The following CSF2RA variants were observed in gnomAD, a reference collection of about 807,000 sequenced individuals.
The protein encoded by CSF2RA is colony stimulating factor 2 receptor subunit alpha, also known as granulocyte-macrophage colony-stimulating factor receptor subunit alpha.
Under a neutral mutation model 51.6 loss-of-function variants are expected in CSF2RA, and 42 were observed. The ratio of observed to expected loss-of-function variants is 0.81; its 90% CI spans 0.64 to 1.05. CSF2RA has a LOEUF of 1.05. Ranked by LOEUF, CSF2RA falls within the 50% of genes least tolerant of loss-of-function variation. The pLI, the probability that CSF2RA is intolerant of heterozygous loss-of-function variation, is 0.00. For missense variants in CSF2RA, 530 were observed against 501.1 expected (o/e 1.06, Z -0.55); for synonymous variants, 222 against 193.0 (o/e 1.15, Z -1.24).
At chrX:1,281,083 T>TCTC (rs2089964150) in intron 2 of CSF2RA, among the ~76,000 whole-genome samples, 1 of 31,114 alleles carries the variant, frequency 3.2e-5, no homozygotes, top group Non-Finnish European at 6.5e-5. Flanking sequence ...TCCTCCTCCT[T>TCTC]CTCCTCCTGC....
In CSF2RA at chrX:1,301,986, G is replaced by A. The variant is rs1252383485; in HGVS notation, c.946+1360G>A. On this transcript the variant is annotated intron_variant, in intron 10 of 12. Coordinates refer to ENST00000381529, the MANE Select transcript of CSF2RA (RefSeq NM_172245.4). ...GGCTGGAGTGCAGTGGTGCCATCTC[G>A]GCTCACCGCGATCTCCGCCTCCCAG... 4.1e-5 allele frequency among the ~76,000 whole-genome samples: 6 copies of A among 145,268 alleles called. No individual in the cohort carries two copies. The South Asian group carries it at 6.5e-4, about 16-fold the overall frequency.
chrX:1,323,863 A>C, the CSF2RA span, among the ~76,000 whole-genome samples: 1 of 151,338 alleles, frequency 6.6e-6, no homozygotes, highest in Non-Finnish European at 1.5e-5. Flanking sequence ...AAATACAAAA[A>C]ATTAGCCGGG....
chrX:1,286,376 C>G (rs2090657329), intron 4 of CSF2RA, among the ~76,000 whole-genome samples: 1 of 152,080 alleles, frequency 6.6e-6, no homozygotes, highest in South Asian at 2.1e-4. Flanking sequence ...CAAGACCAGG[C>G]TGACCAACAT....
At chrX:1,317,322 G>A in the CSF2RA span, among the ~76,000 whole-genome samples, 1 of 117,948 alleles carries the variant, frequency 8.5e-6, no homozygotes, top group Non-Finnish European at 1.6e-5. Flanking sequence ...TACAATCTCA[G>A]GTCACCACAA....
chrX:1,310,149 T>C, downstream of CSF2RA: 1 of 232,068 alleles, frequency 4.3e-6, no homozygotes, highest in Non-Finnish European at 8.1e-6. Flanking sequence ...ATTGCACCGT[T>C]GCACTCCAGC....
chrX:1,309,314 C>G lies in CSF2RA; in HGVS notation c.1126-88C>G. The G allele has an allele frequency of 2.2e-6, 3 of 1,360,550 alleles. No individual in the cohort carries two copies. In the Admixed American group the frequency reaches 5.1e-5, roughly 23 times the overall value. The allele number at this position is 1,360,550 out of a possible 1,614,324, so 84.3% of individuals were successfully genotyped here. A position where few individuals can be genotyped will look rare whatever the true frequency, so the allele number is the denominator to read the frequency against. On this transcript the variant is annotated intron_variant, in intron 12 of 12. Transcript: ENST00000381529. ...TGGGCAATAGAATGAGACTCCGTCT[C>G]GAGGGAGAAAAAGAAAATAAACACA...
chrX:1,288,167 G>A (rs1328538176), intron 4 of CSF2RA, among the ~76,000 whole-genome samples: 7 of 151,998 alleles, frequency 4.6e-5, no homozygotes, highest in Admixed American at 2.0e-4. Context: ...AGGCAGGTGC[G>A]TGTCGCCAAA....
At chrX:1,320,747 G>A in the CSF2RA span, among the ~76,000 whole-genome samples, 2 of 148,000 alleles carry the variant, frequency 1.4e-5, no homozygotes, top group African/African-American at 5.0e-5. Context: ...CCCTGACCTT[G>A]TGATCCGCCC....
At chrX:1,308,987 G>T (rs2083953723) in intron 12 of CSF2RA, among the ~76,000 whole-genome samples, 1 of 152,166 alleles carries the variant, frequency 6.6e-6, no homozygotes, top group African/African-American at 2.4e-5. Flanking sequence ...CAGCACTTTG[G>T]GAGGCCGAGG....
chrX:1,285,194 C>T (rs1208815299), intron 3 of CSF2RA, among the ~76,000 whole-genome samples: 2 of 152,128 alleles, frequency 1.3e-5, no homozygotes, highest in African/African-American at 4.8e-5. Context: ...AGCCACCACC[C>T]CCAGTCTTCA....
chrX:1,305,626 A>C, intron 12 of CSF2RA, 99 bp downstream of exon 12: 1 of 1,613,634 alleles, frequency 6.2e-7, no homozygotes, highest in Non-Finnish European at 8.5e-7. Flanking sequence ...CTTCTCCACC[A>C]GATGGGACCG....
the CSF2RA span, among the ~76,000 whole-genome samples, chrX:1,324,950 G>A: frequency 2.6e-5 from 4 of 152,096 alleles, no homozygotes; most frequent in East Asian, 1.9e-4. Context: ...GGGTTTCTCC[G>A]CCTCCTCCCT....
chrX:1,269,956 A>G (rs2088155248), intron 1 of CSF2RA, among the ~76,000 whole-genome samples: 1 of 151,888 alleles, frequency 6.6e-6, no homozygotes, highest in South Asian at 2.1e-4. Flanking sequence ...AAAAATAGAA[A>G]AAATTAGCTA....
intron 2 of CSF2RA, among the ~76,000 whole-genome samples, chrX:1,278,148 A>C (rs746503910): frequency 2.1e-5 from 3 of 146,316 alleles, no homozygotes; most frequent in Non-Finnish European, 4.5e-5. Context: ...AGCCTCGCCA[A>C]CATGGTGAAA....
chrX:1,284,339 A>G lies in CSF2RA; in HGVS notation c.77-1439A>G, dbSNP rs1216059330. ...CACTCCAGCCTCCCAAGTAGCTGGG[A>G]CTGCAGAAATACACCACCATGCCAA... On this transcript the variant is annotated intron_variant, in intron 3 of 12. Transcript: ENST00000381529. 2.0e-5 allele frequency among the ~76,000 whole-genome samples: 3 copies of G among 149,892 alleles called. No homozygotes were observed. In the East Asian group the frequency reaches 5.9e-4, roughly 29 times the overall value.
At chrX:1,295,058 C>CCCACCT (rs2091806641) in intron 8 of CSF2RA, among the ~76,000 whole-genome samples, 2 of 148,926 alleles carry the variant, frequency 1.3e-5, no homozygotes, top group African/African-American at 2.5e-5. Flanking sequence ...GAGACCCTGC[C>CCCACCT]CCATGTCCAC....
intron 11 of CSF2RA, 77 bp from the exon 12 acceptor site, chrX:1,305,369 C>G: frequency 2.6e-6 from 4 of 1,527,402 alleles, no homozygotes; most frequent in Non-Finnish European, 3.6e-6. Context: ...CGCAGCATCC[C>G]TCGGCACAGG....
intron 10 of CSF2RA, among the ~76,000 whole-genome samples, chrX:1,302,177 A>G (rs1207362574): frequency 6.6e-6 from 1 of 151,892 alleles, no homozygotes; most frequent in African/African-American, 2.4e-5. Context: ...CGCCCTCCCA[A>G]AGTGCTGCAA....
chrX:1,273,829 G>C (rs28653229), intron 1 of CSF2RA, among the ~76,000 whole-genome samples: 1 of 147,628 alleles, frequency 6.8e-6, no homozygotes, highest in Non-Finnish European at 1.5e-5. Context: ...CGATCTCCTG[G>C]CCTCATGATC....
Sources: gnomAD v4.1 joint callset for allele counts (sites outside exome capture counted in the v4.1 genomes callset) on GRCh38, gnomAD v4.1.1 for gene constraint, MANE v1.5 for transcripts, NCBI Gene and HGNC (gene_info 2026-07-23, HGNC 2026-07-21) for gene names.